The following RBM4 variants were observed in gnomAD, a reference collection of about 807,000 sequenced individuals.
The protein encoded by RBM4 is RNA binding motif protein 4.
Under a neutral mutation model 29.5 loss-of-function variants are expected in RBM4, and 7 were observed. That is an observed-to-expected ratio of 0.24 (90% confidence interval 0.14 to 0.45). RBM4 has a LOEUF of 0.45. Ranked by LOEUF, RBM4 falls within the 20% of genes least tolerant of loss-of-function variation. RBM4 has a pLI of 1.00. For missense variants in RBM4, 387 were observed against 502.3 expected, an observed-to-expected ratio of 0.77 and a Z score of 2.19; for synonymous variants, 220 against 205.4, an observed-to-expected ratio of 1.07 and a Z score of -0.61.
At chr11:66,665,449 C>T (rs1472801651) in intron 2 of RBM4, 2 of 735,582 alleles carry the variant, frequency 2.7e-6, no homozygotes, top group Non-Finnish European at 4.7e-6. Context: ...AGAAAGAAAA[C>T]ATAGTTGGTC....
At chr11:66,655,315 G>T (rs1478424179) in intron 2 of RBM4, among the ~76,000 whole-genome samples, 2 of 150,526 alleles carry the variant, frequency 1.3e-5, no homozygotes, top group Non-Finnish European at 1.5e-5. Flanking sequence ...TTTGAGACAG[G>T]GTCTCACTCT....
rs1361945706 is a variant in RBM4 at position 66,663,680 on chromosome 11, C to G, written c.413-2176C>G. ...GAGAAACACTGGAGAGGGGTGGTAA[C>G]TAGGCAAAAATGTGTGTGTATATGT... On this transcript the variant is annotated intron_variant, in intron 2 of 2. Coordinates refer to the RBM4 transcript ENST00000396053. 6.0e-5 allele frequency among the ~76,000 whole-genome samples: 9 copies of G among 150,392 alleles called. No homozygotes were observed. In the South Asian group the frequency reaches 1.9e-3, roughly 32 times the overall value.
At chr11:66,649,633 A>G (rs577139248), downstream of RBM4, 1,109 of 636,494 alleles carry the variant, frequency 1.7e-3, 1 homozygote, top group Non-Finnish European at 2.5e-3. Context: ...AATCAAGTGT[A>G]TCTTTGAGTG....
chr11:66,654,291 A>G (rs1938897369), intron 2 of RBM4, among the ~76,000 whole-genome samples: 1 of 151,752 alleles, frequency 6.6e-6, no homozygotes, highest in Non-Finnish European at 1.5e-5. Flanking sequence ...GGAAATCGAG[A>G]CCATCCTGGC....
chr11:66,663,748 T>G (rs976488278), intron 2 of RBM4, among the ~76,000 whole-genome samples: 1 of 151,946 alleles, frequency 6.6e-6, no homozygotes, highest in African/African-American at 2.4e-5. Flanking sequence ...TTTCTTTTTG[T>G]TTTGTAAATA....
chr11:66,650,068 G>A (rs1416063558), downstream of RBM4: 6 of 418,242 alleles, frequency 1.4e-5, no homozygotes, highest in Non-Finnish European at 2.5e-5. Context: ...TCCTCACTGT[G>A]CCTCCACAAG....
chr11:66,658,469 C>G (rs1334072898), intron 2 of RBM4, among the ~76,000 whole-genome samples: 2 of 147,298 alleles, frequency 1.4e-5, no homozygotes, highest in Non-Finnish European at 3.0e-5. Context: ...GGCTAAACAT[C>G]CTCCAATGCA....
intron 3 of RBM4, chr11:66,644,393 A>G: frequency 2.0e-6 from 1 of 509,864 alleles, no homozygotes; most frequent in Middle Eastern, 5.5e-4. Context: ...TAGAAAAATA[A>G]AGAATGATGT....
chr11:66,646,004 C>G, intron 3 of RBM4, 23 bp from the exon 4 acceptor site: 1 of 1,535,978 alleles, frequency 6.5e-7, no homozygotes, highest in Non-Finnish European at 8.7e-7. Context: ...GCTGTAAAGC[C>G]GCTGTATTGT....
chr11:66,665,395 G>T (rs1939188572), intron 2 of RBM4: 2 of 632,214 alleles, frequency 3.2e-6, no homozygotes, highest in Non-Finnish European at 5.6e-6. Context: ...AAAGGCTACA[G>T]AGACTAGTTT....
At chr11:66,660,934 C>T (rs989377961) in intron 2 of RBM4, among the ~76,000 whole-genome samples, 1 of 152,162 alleles carries the variant, frequency 6.6e-6, no homozygotes, top group African/African-American at 2.4e-5. Flanking sequence ...GGATTACAGG[C>T]GTGAGCCACT....
At chr11:66,668,282 T>TCTCG in exon 3 of RBM4, 1 of 227,826 alleles carries the variant, frequency 4.4e-6, no homozygotes, top group Middle Eastern at 1.7e-3. Flanking sequence ...ATCGTGTAGA[T>TCTCG]GATATACAGA....
rs1938571242 is a variant in RBM4 at position 66,643,830 on chromosome 11, ACCT to A, written c.796_798del (p.Ser266del). 3 of 1,613,188 alleles carry A rather than the reference ACCT, an allele frequency of 1.9e-6. No homozygotes were observed. Among genetic ancestry groups the A allele is most frequent in the Non-Finnish European group, 2.5e-6 (3 of 1,179,794 alleles). On this transcript the variant is annotated inframe_deletion, in exon 3 of 4. Transcript: ENST00000310092. This position sits in a 1 kb window ranked among gnomAD's most constrained non-coding sequence, Gnocchi z 6.1. ...GAATACAGCCATGGCCAGTCACCTC[ACCT>A]CCACCTCTCTCGATCCCTACGATAG...
intron 1 of RBM4, 79 bp from the exon 2 acceptor site, chr11:66,639,621 T>C: frequency 1.3e-6 from 2 of 1,509,912 alleles, no homozygotes; most frequent in East Asian, 4.5e-5. Context: ...GAAATATACA[T>C]TAGAGTGAAA....
In RBM4 at chr11:66,644,267, C is replaced by T. The variant is rs529912863; in HGVS notation, c.*8+127C>T. The stretch of plus-strand genomic sequence containing the variant: ...TTAGGGGAAGGTTACTAGGATGGCT[C>T]ACAGGCTAGAGAGAAGTCCTAACTG... On this transcript the variant is annotated intron_variant, in intron 3 of 3. Transcript: ENST00000310092. 8 of 1,320,960 alleles carry T rather than the reference C, an allele frequency of 6.1e-6. No homozygotes were observed. In the South Asian group the frequency reaches 7.6e-5, roughly 13 times the overall value. The allele number at this position is 1,320,960 out of a possible 1,614,324, so 81.8% of individuals were successfully genotyped here. A position where few individuals can be genotyped will look rare whatever the true frequency, so the allele number is the denominator to read the frequency against.
At chr11:66,644,625 A>C (rs1410789203) in intron 3 of RBM4, 1 of 926,786 alleles carries the variant, frequency 1.1e-6, no homozygotes, top group Non-Finnish European at 1.3e-6. Context: ...ACTGGTCATC[A>C]CTGCTCAGGT....
At chr11:66,645,386 T>G (rs1348325265) in intron 3 of RBM4, among the ~76,000 whole-genome samples, 1 of 152,220 alleles carries the variant, frequency 6.6e-6, no homozygotes, top group African/African-American at 2.4e-5. Context: ...CTGTCATCTT[T>G]GCAGTTAGGG....
chr11:66,663,284 A>C (rs1008683722), intron 2 of RBM4, among the ~76,000 whole-genome samples: 2 of 152,236 alleles, frequency 1.3e-5, no homozygotes, highest in Non-Finnish European at 2.9e-5. Flanking sequence ...ACTATGTATG[A>C]ATATTTTAGC....
Position 66,644,019 on chromosome 11 carries a change from G to C in RBM4, c.982G>C (p.Gly328Arg), listed in dbSNP as rs779614464. ...CACTGTTGGAGAGGGCTACGGTTACGGGCATGAGAGTGAGTTGTCCCAAGC... is the reference window on the plus strand; with the variant it reads ...CACTGTTGGAGAGGGCTACGGTTACCGGCATGAGAGTGAGTTGTCCCAAGC... ...VPTVGEGYGY[G>R]HESELSQASA... The change falls in exon 3 of 4, where the codon GGG (glycine) becomes CGG (arginine). Residue 328 changes from glycine (G) to arginine (R), a missense_variant. By Grantham distance (125) the Gly-to-Arg change is moderately radical (BLOSUM62 -2). Around this residue, in one of 2 missense-constraint regions of RBM4, gnomAD observed 281 missense variants for 288.7 expected, o/e 0.97. Transcript: ENST00000310092. 7 of 1,613,594 alleles carry C rather than the reference G, an allele frequency of 4.3e-6. No individual in the cohort carries two copies.
Sources: allele counts gnomAD v4.1 joint callset (sites outside exome capture counted in the v4.1 genomes callset), GRCh38; gene constraint gnomAD v4.1.1; regional missense constraint gnomAD v4.1.1; non-coding constraint Gnocchi (gnomAD v3.1); transcripts MANE v1.5; gene names NCBI Gene and HGNC (gene_info 2026-07-23, HGNC 2026-07-21).